ADTRP: variants seen among roughly 807,000 people sequenced by gnomAD.
ADTRP encodes the protein androgen-dependent TFPI-regulating protein.
ADTRP carries 20 observed loss-of-function variants against 27.0 expected under a neutral mutation model. The ratio of observed to expected loss-of-function variants is 0.74; its 90% CI spans 0.52 to 1.08. The LOEUF is 1.08. ADTRP is among the 50% of genes least tolerant of loss of function. The probability of loss-of-function intolerance (pLI) is 0.00; values close to 1 mark genes in which losing one functional copy is unlikely to be tolerated. For synonymous variants in ADTRP, 101 were observed against 105.2 expected, an observed-to-expected ratio of 0.96 and a Z score of 0.25; for missense variants, 251 against 275.0, an observed-to-expected ratio of 0.91 and a Z score of 0.62.
At chr6:11,731,762 T>C (rs570676631) in intron 4 of ADTRP, among the ~76,000 whole-genome samples, 1 of 132,354 alleles carries the variant, frequency 7.6e-6, no homozygotes, top group East Asian at 2.1e-4. Flanking sequence ...CCTTGTGTTT[T>C]TTTTATGAGG....
rs1762502578 is a variant in ADTRP, at chr6:11,734,988, T to C, written c.506+580A>G. On this transcript the variant is annotated intron_variant, in intron 4 of 5. Coordinates refer to ENST00000414691, the MANE Select transcript of ADTRP (RefSeq NM_032744.4). ...AAGGCCAAGCACGTTCCCTTGATTA[T>C]AGACTATTGGGCAGCGTTTCTGAAA... Among the ~76,000 whole-genome samples, 5 of 151,846 alleles carry C rather than the reference T, an allele frequency of 3.3e-5. No individual in the cohort carries two copies. In the South Asian group the frequency reaches 1.0e-3, roughly 32 times the overall value.
intron 1 of ADTRP, chr6:11,769,922 G>T: frequency 3.3e-6 from 4 of 1,195,310 alleles, no homozygotes; most frequent in Non-Finnish European, 3.6e-6. Context: ...TTCATTACTT[G>T]GTATGTGCCA....
chr6:11,750,395 C>T (rs1170498942), intron 3 of ADTRP, among the ~76,000 whole-genome samples: 1 of 152,200 alleles, frequency 6.6e-6, no homozygotes, highest in Non-Finnish European at 1.5e-5. Context: ...TACTAACAGC[C>T]AAGTAAATCA....
intron 5 of ADTRP, among the ~76,000 whole-genome samples, chr6:11,718,084 A>G (rs1367134011): frequency 1.3e-5 from 2 of 152,258 alleles, no homozygotes; most frequent in African/African-American, 4.8e-5. Flanking sequence ...TATGGCAAAT[A>G]ATATTAAAAG....
At chr6:11,720,475 C>CTTTTTTTTTTTTTTTT (rs1554110970) in intron 5 of ADTRP, among the ~76,000 whole-genome samples, 1 of 148,802 alleles carries the variant, frequency 6.7e-6, no homozygotes, top group Non-Finnish European at 1.5e-5. Context: ...GGGATATACC[C>CTTTTTTTTTTTTTTTT]TTTTCTTTTT....
intron 4 of ADTRP, among the ~76,000 whole-genome samples, chr6:11,724,062 A>AAAAC (rs34211710): frequency 0.49 from 73,999 of 149,732 alleles, 18,793 homozygotes; most frequent in East Asian, 0.78. Context: ...CTTTGTCTCA[A>AAAAC]AAACAAACAA....
intron 3 of ADTRP, among the ~76,000 whole-genome samples, chr6:11,761,759 G>A (rs1173311237): frequency 6.6e-6 from 1 of 152,176 alleles, no homozygotes; most frequent in Non-Finnish European, 1.5e-5. Flanking sequence ...GAGGGCTCAT[G>A]AGCCTCCTAA....
chr6:11,770,694 T>G (rs1412676127), intron 1 of ADTRP, among the ~76,000 whole-genome samples: 1 of 152,182 alleles, frequency 6.6e-6, no homozygotes, highest in Non-Finnish European at 1.5e-5. Context: ...TCATTATTGC[T>G]GGTGATTTTG....
At chr6:11,776,880 G>T (rs769001616) in intron 1 of ADTRP, among the ~76,000 whole-genome samples, 11 of 152,152 alleles carry the variant, frequency 7.2e-5, no homozygotes, top group South Asian at 2.1e-4. Flanking sequence ...TGAGCGGCAG[G>T]CCACACTTTT....
intron 1 of ADTRP, chr6:11,769,928 T>A: frequency 7.9e-7 from 1 of 1,268,978 alleles, no homozygotes; most frequent in Non-Finnish European, 1.1e-6. Context: ...ACTTGGTATG[T>A]GCCAGGCACT....
chr6:11,772,433 A>G (rs546224834), intron 1 of ADTRP, among the ~76,000 whole-genome samples: 1 of 152,386 alleles, frequency 6.6e-6, no homozygotes, highest in East Asian at 1.9e-4. Flanking sequence ...AGCCTTTCCA[A>G]GTCATCAAGC....
chr6:11,772,203 T>C (rs1225396380), intron 1 of ADTRP, among the ~76,000 whole-genome samples: 1 of 152,236 alleles, frequency 6.6e-6, no homozygotes, highest in Non-Finnish European at 1.5e-5. Flanking sequence ...CCTAATTCTG[T>C]TCCCACTGCG....
At position 11,718,046 on chromosome 6, in the gene ADTRP, G is replaced by C. The variant is rs560740312; in HGVS notation, c.659-3534C>G. Among the ~76,000 whole-genome samples the C allele has an allele frequency of 4.1e-4, 63 of 152,322 alleles. No individual in the cohort carries two copies. The Middle Eastern group carries it at 0.01, about 25-fold the overall frequency. On this transcript the variant is annotated intron_variant, in intron 5 of 5. Transcript: ENST00000414691. Reference sequence around the variant, plus strand: ...ATGGCCTCTAGGCAGCTTTCATCAAGAAAATCTGCCTTTTAAAAAACCTGG... The same window carrying C: ...ATGGCCTCTAGGCAGCTTTCATCAACAAAATCTGCCTTTTAAAAAACCTGG...
intron 1 of ADTRP, among the ~76,000 whole-genome samples, chr6:11,772,076 A>G (rs1024478839): frequency 6.6e-6 from 1 of 152,218 alleles, no homozygotes; most frequent in Non-Finnish European, 1.5e-5. Flanking sequence ...AATTACTATC[A>G]TTTACATTTC....
At chr6:11,740,516 C>T (rs1581334297) in intron 3 of ADTRP, among the ~76,000 whole-genome samples, 3 of 152,124 alleles carry the variant, frequency 2.0e-5, no homozygotes, top group East Asian at 3.8e-4. Context: ...AAACCTTAAT[C>T]GAATGCCATC....
At chr6:11,735,725 A>G in intron 3 of ADTRP, 42 bp from the exon 4 acceptor site, 1 of 1,405,876 alleles carries the variant, frequency 7.1e-7, no homozygotes, top group Non-Finnish European at 1.0e-6. Flanking sequence ...CAGGGTGTCC[A>G]GGGTGCCTAC....
At chr6:11,737,746 C>T (rs1226844140) in intron 3 of ADTRP, among the ~76,000 whole-genome samples, 1 of 152,172 alleles carries the variant, frequency 6.6e-6, no homozygotes, top group Non-Finnish European at 1.5e-5. Flanking sequence ...CTGAATTTTA[C>T]TAACGATGCC....
chr6:11,714,422 ATG>A lies in ADTRP; in HGVS notation c.*54_*55del. On this transcript the variant is annotated 3_prime_UTR_variant, in exon 6 of 6. Coordinates refer to ENST00000414691, the MANE Select transcript of ADTRP (RefSeq NM_032744.4). The stretch of plus-strand genomic sequence containing the variant: ...CCTCCACCAGAAAAAAAAAAAAAAG[ATG>A]AGAAAAATCTCTTGTGTTTTCTTCT... 1 of 1,486,842 alleles carries A rather than the reference ATG, an allele frequency of 6.7e-7. No homozygotes were observed. The highest frequency in any genetic ancestry group is 9.2e-7 in the Non-Finnish European group (1 of 1,087,334). The allele number at this position is 1,486,842 out of a possible 1,614,324, so 92.1% of individuals were successfully genotyped here.
chr6:11,775,180 C>CAACA (rs1763913584), intron 1 of ADTRP, among the ~76,000 whole-genome samples: 1 of 152,046 alleles, frequency 6.6e-6, no homozygotes. Flanking sequence ...CTCCACCCCG[C>CAACA]AACAACCTAG....
Sources: gnomAD v4.1 joint callset for allele counts (sites outside exome capture counted in the v4.1 genomes callset) on GRCh38, gnomAD v4.1.1 for gene constraint, MANE v1.5 for transcripts, NCBI Gene and HGNC (gene_info 2026-07-23, HGNC 2026-07-21) for gene names.